BACH2: variants seen among roughly 807,000 people sequenced by gnomAD.
BACH2 encodes the protein BACH transcriptional regulator 2, also known as transcription regulator protein BACH2.
In BACH2, 5 loss-of-function variants were observed where a neutral mutation model predicts 61.8. The ratio of observed to expected loss-of-function variants is 0.08; its 90% confidence interval spans 0.04 to 0.17. The LOEUF is 0.17. Among genes scored for constraint, BACH2 ranks in the 10% least tolerant of loss-of-function variants. The pLI, the probability that BACH2 is intolerant of heterozygous loss-of-function variation, is 1.00. For missense variants in BACH2, 824 were observed against 1,091.1 expected (o/e 0.76, Z 3.45); for synonymous variants, 446 against 440.1 (o/e 1.01, Z -0.17).
At chr6:90,009,286 A>G (rs1224820065) in intron 5 of BACH2, among the ~76,000 whole-genome samples, 1 of 152,258 alleles carries the variant, frequency 6.6e-6, no homozygotes, top group Non-Finnish European at 1.5e-5. Context: ...ATTTTGAAGT[A>G]TTTGTAATGT....
intron 4 of BACH2, among the ~76,000 whole-genome samples, chr6:90,159,594 C>G (rs564561028): frequency 3.5e-4 from 53 of 152,290 alleles, no homozygotes; most frequent in African/African-American, 1.3e-3. Flanking sequence ...ATTAAATACA[C>G]AAAGCATTGA....
chr6:90,223,752 G>A (rs887122230), intron 3 of BACH2, among the ~76,000 whole-genome samples: 4 of 152,108 alleles, frequency 2.6e-5, no homozygotes, highest in Admixed American at 6.6e-5. Context: ...TGGGATTACA[G>A]GTATGAGCCA....
At chr6:90,113,342 C>A (rs944291917) in intron 4 of BACH2, among the ~76,000 whole-genome samples, 3 of 152,072 alleles carry the variant, frequency 2.0e-5, no homozygotes, top group African/African-American at 7.2e-5. Context: ...TAAAATAGAC[C>A]ACATAATTGG....
intron 6 of BACH2, among the ~76,000 whole-genome samples, chr6:89,980,082 G>T (rs923048404): frequency 6.6e-6 from 1 of 152,078 alleles, no homozygotes; most frequent in Admixed American, 6.5e-5. Flanking sequence ...CACCTGAGAG[G>T]TCAGGAGTTC....
intron 7 of BACH2, among the ~76,000 whole-genome samples, chr6:89,946,459 T>C (rs1247803049): frequency 1.3e-5 from 2 of 152,328 alleles, no homozygotes; most frequent in African/African-American, 4.8e-5. Flanking sequence ...TCTTTGAAAC[T>C]AACCCACAAA....
At chr6:90,091,921 C>T (rs945242702) in intron 4 of BACH2, among the ~76,000 whole-genome samples, 5 of 152,000 alleles carry the variant, frequency 3.3e-5, no homozygotes, top group Middle Eastern at 3.2e-3. Context: ...TAGGTGTCAA[C>T]GCAGATAGAA....
At chr6:90,171,149 G>A (rs533781839) in intron 4 of BACH2, among the ~76,000 whole-genome samples, 2 of 152,122 alleles carry the variant, frequency 1.3e-5, no homozygotes, top group East Asian at 1.9e-4. Flanking sequence ...AGTGGCTCAC[G>A]CCTGTAATCC....
In BACH2 at chr6:90,143,041, G is replaced by C. The variant is rs144243987; in HGVS notation, c.-161-53932C>G. On this transcript the variant is annotated intron_variant, in intron 4 of 8. Transcript: ENST00000257749. ...AAAATGTAGATGTGTTTCTTAGAAG[G>C]CTAACTCATTTATCCACTATCCTCC... Among the ~76,000 whole-genome samples the C allele has an allele frequency of 6.4e-3, 972 of 152,218 alleles. 8 individuals are homozygous for C. The highest frequency in any genetic ancestry group is 9.7e-3 in the Non-Finnish European group (658 of 68,006).
intron 4 of BACH2, among the ~76,000 whole-genome samples, chr6:90,129,962 A>C (rs920041632): frequency 2.0e-5 from 3 of 151,952 alleles, no homozygotes; most frequent in Non-Finnish European, 4.4e-5. Context: ...CTCCACCTCC[A>C]GGGTTCAAGC....
chr6:90,102,690 C>T (rs1008085793), intron 4 of BACH2, among the ~76,000 whole-genome samples: 22 of 151,276 alleles, frequency 1.5e-4, no homozygotes, highest in African/African-American at 4.9e-4. Flanking sequence ...CTCGGGAGGA[C>T]GAGGCAGGAG....
intron 1 of BACH2, among the ~76,000 whole-genome samples, chr6:90,284,849 T>C (rs1771969643): frequency 1.3e-5 from 2 of 152,234 alleles, no homozygotes; most frequent in Admixed American, 6.5e-5. Context: ...ATTCTATTGA[T>C]ACTGATGAGT....
intron 3 of BACH2, among the ~76,000 whole-genome samples, chr6:90,215,262 A>G (rs1769494847): frequency 6.6e-6 from 1 of 152,166 alleles, no homozygotes; most frequent in Non-Finnish European, 1.5e-5. Context: ...CCCCAGAGCT[A>G]TTCAAACAGT....
chr6:90,138,393 C>T (rs756369773), intron 4 of BACH2, among the ~76,000 whole-genome samples: 1 of 152,142 alleles, frequency 6.6e-6, no homozygotes, highest in Non-Finnish European at 1.5e-5. Context: ...GTCTCACCTA[C>T]TTGGTAGGCT....
intron 8 of BACH2, among the ~76,000 whole-genome samples, chr6:89,935,737 C>T (rs147269123): frequency 4.6e-5 from 7 of 152,260 alleles, no homozygotes; most frequent in Non-Finnish European, 7.4e-5. Context: ...TTCAGTATCA[C>T]AAAATTACAC....
At chr6:90,001,071 A>G (rs1479706909) in intron 6 of BACH2, among the ~76,000 whole-genome samples, 1 of 152,108 alleles carries the variant, frequency 6.6e-6, no homozygotes, top group African/African-American at 2.4e-5. Flanking sequence ...TCCAGCCCCA[A>G]TCCATCATTT....
At chr6:90,185,565 CTACTT>C (rs1444298219) in intron 4 of BACH2, among the ~76,000 whole-genome samples, 2 of 151,898 alleles carry the variant, frequency 1.3e-5, no homozygotes, top group Admixed American at 6.6e-5. Context: ...TTTTTTCTTT[CTACTT>C]TACTTTCCAA....
At chr6:89,969,750 G>T (rs780654570) in intron 6 of BACH2, among the ~76,000 whole-genome samples, 2 of 152,158 alleles carry the variant, frequency 1.3e-5, no homozygotes, top group Non-Finnish European at 2.9e-5. Flanking sequence ...GAAGAGAAAC[G>T]ATCTGTTGGG....
chr6:90,164,113 A>G (rs966445250), intron 4 of BACH2, among the ~76,000 whole-genome samples: 3 of 152,342 alleles, frequency 2.0e-5, no homozygotes, highest in South Asian at 2.1e-4. Context: ...CAAAAAATCA[A>G]TGAATCCAGG....
Position 90,012,856 on chromosome 6 carries a change from C to T in BACH2, c.-12-4000G>A, listed in dbSNP as rs75722318. ...TCAATTTTTGTATTTTTAGTAGAGA[C>T]GGGTTTTGCCAGGTTGGCCAGACTG... is the stretch of plus-strand genomic sequence containing the variant. On this transcript the variant is annotated intron_variant, in intron 5 of 8. Coordinates refer to ENST00000257749, the MANE Select transcript of BACH2 (RefSeq NM_021813.4). 3.1e-3 allele frequency among the ~76,000 whole-genome samples: 467 copies of T among 151,938 alleles called. 15 individuals are homozygous for T. The East Asian group carries it at 0.083, about 27-fold the overall frequency.
Sources: gnomAD v4.1 joint callset for allele counts (sites outside exome capture counted in the v4.1 genomes callset) on GRCh38, gnomAD v4.1.1 for gene constraint, MANE v1.5 for transcripts, NCBI Gene and HGNC (gene_info 2026-07-23, HGNC 2026-07-21) for gene names.